Variants in ALMS1 observed in about 807,000 individuals in gnomAD.
ALMS1 encodes the protein centrosome-associated protein ALMS1.
A neutral mutation model predicts 352.2 loss-of-function variants in ALMS1; 271 were observed. The observed-to-expected ratio is 0.77, with a 90% CI of 0.70 to 0.85. ALMS1 has a LOEUF of 0.85. Among genes scored for constraint, ALMS1 ranks in the 40% least tolerant of loss-of-function variants. The pLI is 0.00. For missense variants in ALMS1, 5,445 were observed against 4,870.7 expected, an observed-to-expected ratio of 1.12 and a Z score of -3.51; for synonymous variants, 1,865 against 1,761.2, an observed-to-expected ratio of 1.06 and a Z score of -1.48.
rs767125024 is a variant in ALMS1 at position 73,558,905 on chromosome 2, G to A, written c.10214-67G>A. On this transcript the variant is annotated intron_variant, in intron 14 of 22. Coordinates refer to ENST00000613296, the MANE Select transcript of ALMS1 (RefSeq NM_001378454.1). ...AAAGCCTTTCACATAATACGTACTTGAGAGACATTTAAAAATCTTTTATGT... is the reference window on the plus strand; with the variant it reads ...AAAGCCTTTCACATAATACGTACTTAAGAGACATTTAAAAATCTTTTATGT... 21 of 1,520,078 alleles carry A rather than the reference G, an allele frequency of 1.4e-5. No individual in the cohort carries two copies. In the South Asian group the frequency reaches 2.3e-4, roughly 17 times the overall value. The allele number at this position is 1,520,078 out of a possible 1,614,324, so 94.2% of individuals were successfully genotyped here. A position where few individuals can be genotyped will look rare whatever the true frequency, so the allele number is the denominator to read the frequency against.
At chr2:73,514,420 A>G (rs1673514354) in intron 10 of ALMS1, among the ~76,000 whole-genome samples, 1 of 152,100 alleles carries the variant, frequency 6.6e-6, no homozygotes, top group Non-Finnish European at 1.5e-5. Flanking sequence ...GCAGCAAAGT[A>G]TCTTAGGACA....
intron 9 of ALMS1, among the ~76,000 whole-genome samples, chr2:73,484,028 A>G (rs1015582442): frequency 6.6e-6 from 1 of 151,592 alleles, no homozygotes; most frequent in African/African-American, 2.4e-5. Context: ...TCTTTATCCA[A>G]TTTGCCAGTC....
In ALMS1 at chr2:73,572,726, T is replaced by A. The variant is rs780187704; in HGVS notation, c.10849T>A (p.Leu3617Met). 6.2e-7 allele frequency: 1 copy of A among 1,613,784 alleles called. No individual in the cohort carries two copies. The highest frequency in any genetic ancestry group is 1.3e-5 in the African/African-American group (1 of 74,838). Residue 3617 changes from leucine (L) to methionine (M), a missense_variant, in exon 16 of 23, where the codon TTG (leucine) becomes ATG (methionine). Physicochemically the swap from Leu to Met is conservative, Grantham distance 15 (BLOSUM62 2). Transcript: ENST00000613296. ...ACAGAGGCAACAGAGACAGCCTGAG[T>A]TGGGTGACAGGAAAGAACTGTCCTT... ...ERQRQQRQPE[L>M]GDRKELSLVD...
intron 2 of ALMS1, among the ~76,000 whole-genome samples, chr2:73,414,489 G>GTTTTTTTTTTTTGT (rs11395837): frequency 3.2e-5 from 3 of 94,250 alleles, no homozygotes; most frequent in East Asian, 3.3e-4. Flanking sequence ...TTTTTTTTTT[G>GTTTTTTTTTTTTGT]TTTTTTTTTT....
At chr2:73,408,957 C>G (rs1671025572) in intron 2 of ALMS1, among the ~76,000 whole-genome samples, 1 of 146,086 alleles carries the variant, frequency 6.8e-6, no homozygotes, top group Non-Finnish European at 1.5e-5. Context: ...ACTGCACCCT[C>G]CAACTTCTAG....
At chr2:73,521,966 C>CA (rs1461861759) in intron 11 of ALMS1, among the ~76,000 whole-genome samples, 2 of 151,928 alleles carry the variant, frequency 1.3e-5, no homozygotes, top group Non-Finnish European at 1.5e-5. Context: ...TTTTAAGGTA[C>CA]AAAAAATCGT....
At chr2:73,404,211 C>A (rs1435176497) in intron 1 of ALMS1, among the ~76,000 whole-genome samples, 1 of 152,172 alleles carries the variant, frequency 6.6e-6, no homozygotes, top group East Asian at 1.9e-4. Context: ...TTCATTCTAA[C>A]AGTGTCGATT....
intron 7 of ALMS1, among the ~76,000 whole-genome samples, chr2:73,438,711 A>C (rs528836115): frequency 1.3e-5 from 2 of 152,242 alleles, no homozygotes; most frequent in African/African-American, 4.8e-5. Flanking sequence ...ATGGAATACA[A>C]TAGCAGAAAG....
At chr2:73,508,766 T>G (rs1351828348) in intron 10 of ALMS1, among the ~76,000 whole-genome samples, 2 of 152,196 alleles carry the variant, frequency 1.3e-5, no homozygotes, top group African/African-American at 4.8e-5. Flanking sequence ...GTTCAAGTCC[T>G]GAATATCCTT....
chr2:73,450,502 G>A lies in ALMS1; in HGVS notation c.3975G>A (p.Val1325=). The change falls in exon 8 of 23, where the codon GTG becomes GTA. Residue 1325 remains valine (V), a synonymous_variant. Coordinates refer to ENST00000613296, the MANE Select transcript of ALMS1 (RefSeq NM_001378454.1). ...AVPGPADQKT[V]IPILPSTFYS... is the part of the protein sequence containing the mutation. The stretch of plus-strand genomic sequence containing the variant: ...CTGGACCAGCTGACCAGAAGACTGT[G>A]ATACCAATTTTACCCTCTACTTTCT... 1.2e-6 allele frequency: 2 copies of A among 1,612,650 alleles called. No individual in the cohort carries two copies. The highest frequency in any genetic ancestry group is 2.2e-5 in the South Asian group (2 of 91,010).
intron 11 of ALMS1, 137 bp downstream of exon 11, chr2:73,520,153 C>T: frequency 9.1e-7 from 1 of 1,103,580 alleles, no homozygotes; most frequent in Admixed American, 2.0e-5. Context: ...TTATATCTGT[C>T]TTTTATTTGC....
At position 73,423,027 on chromosome 2, in the gene ALMS1, A is replaced by G. The variant is rs1321834546; in HGVS notation, c.764+53A>G. 19 of 1,483,032 alleles carry G rather than the reference A, an allele frequency of 1.3e-5. No individual in the cohort carries two copies. In the Admixed American group the frequency reaches 2.9e-4, roughly 22 times the overall value. The allele number at this position is 1,483,032 out of a possible 1,614,324, so 91.9% of individuals were successfully genotyped here. ...TTCTCACTTCTTGTTCTATGTTTTT[A>G]CTAATATTAGTGACTTCAGGCTAAG... On this transcript the variant is annotated intron_variant, in intron 4 of 22. Coordinates refer to ENST00000613296, the MANE Select transcript of ALMS1 (RefSeq NM_001378454.1).
intron 12 of ALMS1, among the ~76,000 whole-genome samples, chr2:73,535,978 C>T (rs1331843503): frequency 1.3e-5 from 2 of 152,066 alleles, no homozygotes; most frequent in Admixed American, 6.6e-5. Flanking sequence ...AGTAACTGCA[C>T]TAAAGCCTCT....
At chr2:73,602,518 G>A (rs1414248313) in intron 20 of ALMS1, 150 bp downstream of exon 20, 31 of 931,296 alleles carry the variant, frequency 3.3e-5, no homozygotes, top group East Asian at 1.3e-4. Flanking sequence ...TTCTTAGCTA[G>A]CAGAATCTCC....
chr2:73,490,539 T>C lies in ALMS1; in HGVS notation c.8580T>C (p.Ser2860=). 6.2e-7 allele frequency: 1 copy of C among 1,614,062 alleles called. No homozygotes were observed. Among genetic ancestry groups the C allele is most frequent in the Non-Finnish European group, 8.5e-7 (1 of 1,180,026 alleles). ...CCACCCTAGGAGTAAACAGATCGAG[T>C]TCCAGACTAGGAGTAAAAGAGAAGA... ...PSSTLGVNRS[S]SRLGVKEKNV... is the part of the protein sequence containing the mutation. Residue 2860 remains serine, a synonymous_variant, in exon 10 of 23, where the codon AGT becomes AGC. Coordinates refer to ENST00000613296, the MANE Select transcript of ALMS1 (RefSeq NM_001378454.1).
intron 15 of ALMS1, among the ~76,000 whole-genome samples, chr2:73,560,533 A>T (rs991873354): frequency 2.0e-5 from 3 of 152,208 alleles, no homozygotes; most frequent in African/African-American, 7.2e-5. Flanking sequence ...CCGCAATCCC[A>T]CTGCCACTGC....
rs2104063862 is a variant in ALMS1, at chr2:73,559,037, C to A, written c.10279C>A (p.Pro3427Thr). The change falls in exon 15 of 23, where the codon CCA becomes ACA. Residue 3427 changes from proline to threonine, a missense_variant. Coordinates refer to ENST00000613296, the MANE Select transcript of ALMS1 (RefSeq NM_001378454.1). ...AGGAGACCCAGAAATGAAGAACTTG[C>A]CAGACACTAAAGCCATTACACAGAA... ...QVGDPEMKNL[P>T]DTKAITQKEE... The A allele has an allele frequency of 1.9e-6, 3 of 1,613,932 alleles. No individual in the cohort carries two copies. Among genetic ancestry groups the A allele is most frequent in the Non-Finnish European group, 2.5e-6 (3 of 1,179,918 alleles).
intron 13 of ALMS1, among the ~76,000 whole-genome samples, chr2:73,556,908 G>A (rs1674557776): frequency 6.6e-6 from 1 of 151,902 alleles, no homozygotes; most frequent in Admixed American, 6.6e-5. Flanking sequence ...CACCGTGTTG[G>A]CCAGGCTGGT....
intron 9 of ALMS1, among the ~76,000 whole-genome samples, chr2:73,463,756 A>G (rs368575921): frequency 0.11 from 15,932 of 140,236 alleles, 1,167 homozygotes; most frequent in Non-Finnish European, 0.16. Context: ...AAAAATGATA[A>G]AGGGGATATC....
Sources: gnomAD v4.1 joint callset for allele counts (sites outside exome capture counted in the v4.1 genomes callset) on GRCh38, gnomAD v4.1.1 for gene constraint, MANE v1.5 for transcripts, NCBI Gene and HGNC (gene_info 2026-07-23, HGNC 2026-07-21) for gene names.